PDXDC1: variants seen among roughly 807,000 people sequenced by gnomAD.
PDXDC1 encodes pyridoxal dependent decarboxylase domain containing 1, also known as pyridoxal-dependent decarboxylase domain-containing protein 1.
In PDXDC1, 42 loss-of-function variants were observed where a neutral mutation model predicts 100.1. The observed-to-expected ratio is 0.42, with a 90% CI of 0.33 to 0.54. The LOEUF (loss-of-function observed/expected upper bound fraction) is 0.54, where lower values mean the gene tolerates loss of function less well. PDXDC1 is among the 20% of genes least tolerant of loss of function. The pLI, the probability that PDXDC1 is intolerant of heterozygous loss-of-function variation, is 0.10. For missense variants in PDXDC1, 636 were observed against 979.2 expected (o/e 0.65, Z 4.68); for synonymous variants, 260 against 371.7 (o/e 0.70, Z 3.46).
intron 16 of PDXDC1, among the ~76,000 whole-genome samples, chr16:15,129,057 G>C (rs1006748312): frequency 1.3e-5 from 2 of 151,452 alleles, no homozygotes; most frequent in African/African-American, 4.9e-5. Context: ...TGCCTGCCTC[G>C]GCCTCCCAAA....
At chr16:15,055,757 G>A (rs906832362) in intron 16 of PDXDC1, 119 of 437,766 alleles carry the variant, frequency 2.7e-4, no homozygotes, top group African/African-American at 2.2e-3. Context: ...AGGGGAAGAC[G>A]CGAGCCGACG....
At chr16:15,033,677 T>A (rs72789541) in intron 19 of PDXDC1, among the ~76,000 whole-genome samples, 43,209 of 151,788 alleles carry the variant, frequency 0.28, 6,832 homozygotes, top group Admixed American at 0.43. Flanking sequence ...AGCTGGACAC[T>A]CAGGCAGACA....
chr16:15,055,967 G>A, intron 16 of PDXDC1: 2 of 1,224,970 alleles, frequency 1.6e-6, no homozygotes, highest in Non-Finnish European at 1.0e-6. Flanking sequence ...GACGAGCAGC[G>A]GCATCGCGGA....
intron 12 of PDXDC1, among the ~76,000 whole-genome samples, chr16:15,020,743 G>A (rs1289885468): frequency 1.3e-5 from 2 of 152,256 alleles, no homozygotes; most frequent in Non-Finnish European, 2.9e-5. Context: ...CAGCACTTTG[G>A]GAGGCCGAGG....
intron 9 of PDXDC1, 52 bp downstream of exon 9, chr16:15,016,265 A>T: frequency 6.3e-7 from 1 of 1,593,114 alleles, no homozygotes; most frequent in Non-Finnish European, 8.5e-7. Context: ...CAGAGTCCTT[A>T]TGAGGACTGG....
At chr16:15,014,172 A>G (rs1163422404) in intron 8 of PDXDC1, among the ~76,000 whole-genome samples, 1 of 151,550 alleles carries the variant, frequency 6.6e-6, no homozygotes, top group Non-Finnish European at 1.5e-5. Flanking sequence ...GCGCTGCTGC[A>G]CTCCGGCCTG....
At chr16:15,044,325 T>A in intron 16 of PDXDC1, 2 of 1,588,126 alleles carry the variant, frequency 1.3e-6, no homozygotes, top group South Asian at 1.1e-5. Context: ...AAAAAAAAAA[T>A]GAACTTACTA....
chr16:14,981,293 C>T (rs1159020294), intron 1 of PDXDC1, among the ~76,000 whole-genome samples: 4 of 152,292 alleles, frequency 2.6e-5, no homozygotes, highest in Non-Finnish European at 5.9e-5. Flanking sequence ...GATTTGATCG[C>T]TCCCTAACAA....
At chr16:15,034,695 A>T (rs566831446) in intron 21 of PDXDC1, 142 bp downstream of exon 21, 1 of 691,156 alleles carries the variant, frequency 1.4e-6, no homozygotes, top group East Asian at 2.6e-5. Flanking sequence ...ATCTGAGGAG[A>T]CAAGTTCTGG....
At chr16:15,127,588 T>C (rs571126650) in intron 16 of PDXDC1, 313 of 1,346,242 alleles carry the variant, frequency 2.3e-4, no homozygotes, top group Middle Eastern at 5.1e-4. Flanking sequence ...CCTGGACACA[T>C]GCCCCGTGCT....
At chr16:15,143,720 G>A (rs909368517), downstream of PDXDC1, among the ~76,000 whole-genome samples, 2 of 152,228 alleles carry the variant, frequency 1.3e-5, no homozygotes, top group African/African-American at 2.4e-5. Flanking sequence ...CCCTGGGTGT[G>A]GGGCAGCTCC....
chr16:14,990,572 GA>G (rs1970543217), intron 1 of PDXDC1, among the ~76,000 whole-genome samples: 1 of 152,262 alleles, frequency 6.6e-6, no homozygotes, highest in Non-Finnish European at 1.5e-5. Flanking sequence ...CCTGAAACTG[GA>G]TAATACTTTA....
At chr16:15,011,554 T>C (rs2151445380) in intron 8 of PDXDC1, among the ~76,000 whole-genome samples, 1 of 152,348 alleles carries the variant, frequency 6.6e-6, no homozygotes, top group South Asian at 2.1e-4. Flanking sequence ...TTAAAAGCAT[T>C]AGCTGTTTGA....
intron 16 of PDXDC1, among the ~76,000 whole-genome samples, chr16:15,055,061 T>C (rs1458812746): frequency 6.6e-6 from 1 of 152,108 alleles, no homozygotes; most frequent in African/African-American, 2.4e-5. Flanking sequence ...GCAGGGACAG[T>C]GATCAGTACG....
At chr16:15,079,105 C>T (rs1215955983) in intron 16 of PDXDC1, among the ~76,000 whole-genome samples, 2 of 152,050 alleles carry the variant, frequency 1.3e-5, no homozygotes, top group African/African-American at 2.4e-5. Context: ...CCACCACGCC[C>T]GGCCTCCTCT....
intron 16 of PDXDC1, chr16:15,127,464 G>C (rs1386848303): frequency 1.9e-6 from 3 of 1,560,356 alleles, no homozygotes; most frequent in South Asian, 1.2e-5. Flanking sequence ...CCCAGCCCCA[G>C]CCCACCTTGC....
chr16:14,993,477 A>C (rs58933131), intron 1 of PDXDC1, among the ~76,000 whole-genome samples: 12,384 of 148,320 alleles, frequency 0.083, 257 homozygotes, highest in Admixed American at 0.17. Context: ...TGAACTCACC[A>C]TTTTTTATGG....
At chr16:15,003,888 A>C (rs1456915617) in intron 4 of PDXDC1, among the ~76,000 whole-genome samples, 1 of 152,250 alleles carries the variant, frequency 6.6e-6, no homozygotes, top group Non-Finnish European at 1.5e-5. Flanking sequence ...GGAGGCTGAG[A>C]CAGGAGAATC....
At position 15,038,326 on chromosome 16, in the gene PDXDC1, G is replaced by C; in HGVS notation, c.*2051G>C. The C allele has an allele frequency of 1.3e-6, 1 of 772,402 alleles. No individual in the cohort carries two copies. Among genetic ancestry groups the C allele is most frequent in the Non-Finnish European group, 2.0e-6 (1 of 488,862 alleles). The allele number at this position is 772,402 out of a possible 1,614,324, so 47.8% of individuals were successfully genotyped here. A position where few individuals can be genotyped will look rare whatever the true frequency, so the allele number is the denominator to read the frequency against. On this transcript the variant is annotated 3_prime_UTR_variant, in exon 23 of 23. Coordinates refer to ENST00000396410, the MANE Select transcript of PDXDC1 (RefSeq NM_015027.4). Reference sequence around the variant, plus strand: ...AAATATATATAATAAAATACGTTAAGAAATGAGGTGGCCTGAATTAGTAAG... The same window carrying C: ...AAATATATATAATAAAATACGTTAACAAATGAGGTGGCCTGAATTAGTAAG...
Sources: gnomAD v4.1 joint callset for allele counts (sites outside exome capture counted in the v4.1 genomes callset) on GRCh38, gnomAD v4.1.1 for gene constraint, MANE v1.5 for transcripts, NCBI Gene and HGNC (gene_info 2026-07-23, HGNC 2026-07-21) for gene names.